The following TMPRSS11E variants were observed in gnomAD, a reference collection of about 807,000 sequenced individuals.
The protein encoded by TMPRSS11E is transmembrane serine protease 11E, also known as transmembrane protease serine 11E.
TMPRSS11E carries 38 observed loss-of-function variants against 48.1 expected under a neutral mutation model. The ratio of observed to expected loss-of-function variants is 0.79; its 90% CI spans 0.61 to 1.04. The LOEUF is 1.04. Ranked by LOEUF, TMPRSS11E falls within the 50% of genes least tolerant of loss-of-function variation. The pLI is 0.00. For missense variants in TMPRSS11E, 530 were observed against 510.8 expected (o/e 1.04, Z -0.36); for synonymous variants, 158 against 171.9 (o/e 0.92, Z 0.63).
At chr4:68,466,578 C>T in intron 2 of TMPRSS11E, 53 bp from the exon 3 acceptor site, 1 of 1,598,822 alleles carries the variant, frequency 6.3e-7, no homozygotes, top group Non-Finnish European at 8.5e-7. Flanking sequence ...TATAATGATG[C>T]TTTACACACA....
At chr4:68,447,607 G>T in intron 1 of TMPRSS11E, 84 bp downstream of exon 1, 1 of 1,035,162 alleles carries the variant, frequency 9.7e-7, no homozygotes, top group Non-Finnish European at 1.4e-6. Flanking sequence ...GGAATGTGTA[G>T]ATCTACAGTT....
rs1728983202 is a variant in TMPRSS11E, at chr4:68,468,635, T to C, written c.259-244T>C. Among the ~76,000 whole-genome samples the C allele has an allele frequency of 2.0e-5, 3 of 152,108 alleles. No homozygotes were observed. The South Asian group carries it at 6.2e-4, about 31-fold the overall frequency. ...TCTTTGGTCTCTTTCTGAGCATTAG[T>C]ACAGCAGATATCACTTCTGGCCCCA... On this transcript the variant is annotated intron_variant, in intron 3 of 9. Transcript: ENST00000305363.
intron 9 of TMPRSS11E, among the ~76,000 whole-genome samples, chr4:68,487,164 A>C (rs1729576133): frequency 6.6e-6 from 1 of 152,014 alleles, no homozygotes; most frequent in Non-Finnish European, 1.5e-5. Flanking sequence ...TCCTGCCATC[A>C]TGTTGCTAGC....
chr4:68,454,987 T>C (rs1299997968), intron 1 of TMPRSS11E, among the ~76,000 whole-genome samples: 3 of 151,918 alleles, frequency 2.0e-5, no homozygotes, highest in African/African-American at 7.2e-5. Flanking sequence ...CAAAACAAGA[T>C]ATTGTTAACT....
intron 2 of TMPRSS11E, among the ~76,000 whole-genome samples, chr4:68,463,566 G>C (rs1297351630): frequency 6.6e-6 from 1 of 152,208 alleles, no homozygotes; most frequent in Non-Finnish European, 1.5e-5. Flanking sequence ...GCCTCCCAAA[G>C]TGTTGGGATT....
At chr4:68,468,301 C>T (rs1728976504) in intron 3 of TMPRSS11E, among the ~76,000 whole-genome samples, 1 of 152,060 alleles carries the variant, frequency 6.6e-6, no homozygotes, top group South Asian at 2.1e-4. Context: ...TAATAACTAA[C>T]GTCTCTACAA....
chr4:68,463,066 A>G (rs1167031867), intron 2 of TMPRSS11E, among the ~76,000 whole-genome samples: 1 of 152,192 alleles, frequency 6.6e-6, no homozygotes, highest in Non-Finnish European at 1.5e-5. Context: ...ACTTGATTCT[A>G]ATTTAATTGG....
intron 9 of TMPRSS11E, among the ~76,000 whole-genome samples, chr4:68,484,759 T>C (rs1729505528): frequency 6.6e-6 from 1 of 152,196 alleles, no homozygotes; most frequent in South Asian, 2.1e-4. Context: ...AAGATGTTAA[T>C]GTTGTATAGA....
At chr4:68,466,501 G>T in intron 2 of TMPRSS11E, 130 bp from the exon 3 acceptor site, 1 of 869,900 alleles carries the variant, frequency 1.1e-6, no homozygotes. Context: ...GGGGCAGGAT[G>T]ATGATGATGA....
intron 1 of TMPRSS11E, among the ~76,000 whole-genome samples, chr4:68,452,837 A>G (rs550745989): frequency 6.6e-6 from 1 of 152,122 alleles, no homozygotes; most frequent in East Asian, 1.9e-4. Flanking sequence ...ATTTGATTCA[A>G]CAATAAAGCT....
intron 9 of TMPRSS11E, among the ~76,000 whole-genome samples, chr4:68,481,011 T>C (rs1356442438): frequency 6.6e-6 from 1 of 152,134 alleles, no homozygotes; most frequent in Non-Finnish European, 1.5e-5. Context: ...TGTGTCCATA[T>C]GTACTCAATG....
intron 1 of TMPRSS11E, among the ~76,000 whole-genome samples, chr4:68,452,083 G>A (rs1193122098): frequency 1.3e-5 from 2 of 151,866 alleles, no homozygotes; most frequent in African/African-American, 4.8e-5. Context: ...CTAAAGGAAG[G>A]GAACAAAATG....
At chr4:68,493,474 T>C (rs990319514) in intron 9 of TMPRSS11E, among the ~76,000 whole-genome samples, 4 of 152,108 alleles carry the variant, frequency 2.6e-5, no homozygotes, top group Non-Finnish European at 5.9e-5. Context: ...ACCCATTTTT[T>C]TGGGGGGGAG....
rs944933903 is a variant in TMPRSS11E at position 68,474,789 on chromosome 4, C to A, written c.529+28C>A. 3.8e-6 allele frequency: 6 copies of A among 1,572,528 alleles called. No individual in the cohort carries two copies. In the African/African-American group the frequency reaches 8.2e-5, roughly 22 times the overall value. Reference sequence around the variant, plus strand: ...AAGTTTAATATATTTATTAAAATAGCATTACCTGAAGGTAAAAAGCTAACA... The same window carrying A: ...AAGTTTAATATATTTATTAAAATAGAATTACCTGAAGGTAAAAAGCTAACA... On this transcript the variant is annotated intron_variant, in intron 6 of 9. Transcript: ENST00000305363.
chr4:68,489,289 C>A (rs1310766704), intron 9 of TMPRSS11E, among the ~76,000 whole-genome samples: 3 of 152,100 alleles, frequency 2.0e-5, no homozygotes, highest in Non-Finnish European at 4.4e-5. Context: ...GAAATTGGGA[C>A]CAGGTCTGAG....
chr4:68,478,941 C>G lies in TMPRSS11E; in HGVS notation c.1060C>G (p.Pro354Ala). The G allele has an allele frequency of 6.2e-7, 1 of 1,614,054 alleles. No homozygotes were observed. The highest frequency in any genetic ancestry group is 1.1e-5 in the South Asian group (1 of 91,078). ...TCAAGCTTACAATGACGCCATAACT[C>G]CTAGAATGTTATGTGCTGGCTCCTT... ...EPQAYNDAIT[P>A]RMLCAGSLEG... Residue 354 changes from proline (P) to alanine (A), a missense_variant, in exon 9 of 10, where the codon CCT becomes GCT. By Grantham distance (27) the Pro-to-Ala change is conservative. Transcript: ENST00000305363.
chr4:68,482,296 T>A (rs1255794585), intron 9 of TMPRSS11E, among the ~76,000 whole-genome samples: 1 of 152,102 alleles, frequency 6.6e-6, no homozygotes, highest in Non-Finnish European at 1.5e-5. Flanking sequence ...ACCTTCAGCA[T>A]TGGGGGTGAC....
At chr4:68,474,850 A>G (rs1729167710) in intron 6 of TMPRSS11E, 89 bp downstream of exon 6, 2 of 1,041,942 alleles carry the variant, frequency 1.9e-6, no homozygotes, top group African/African-American at 1.6e-5. Flanking sequence ...TGTTGATATC[A>G]TAGGGACAGA....
chr4:68,478,863 C>T lies in TMPRSS11E; in HGVS notation c.982C>T (p.His328Tyr). ...ALKNDGYSQNHLRQAQVTLID... is the reference protein window; with the variant it reads ...ALKNDGYSQNYLRQAQVTLID... ...TTTTCTTTTAGGTTACAGTCAAAAT[C>T]ATCTTCGACAAGCACAGGTGACTCT... is the stretch of plus-strand genomic sequence containing the variant. The change falls in exon 9 of 10, where the codon CAT (histidine) becomes TAT (tyrosine). Residue 328 changes from histidine (H) to tyrosine (Y), a missense_variant. Transcript: ENST00000305363. 3 of 1,613,584 alleles carry T rather than the reference C, an allele frequency of 1.9e-6. No individual in the cohort carries two copies. In the South Asian group the frequency reaches 3.3e-5, roughly 18 times the overall value.
Sources: allele counts gnomAD v4.1 joint callset (sites outside exome capture counted in the v4.1 genomes callset), GRCh38; gene constraint gnomAD v4.1.1; transcripts MANE v1.5; gene names NCBI Gene and HGNC (gene_info 2026-07-23, HGNC 2026-07-21).